The following CDK8 variants were observed in gnomAD, a reference collection of about 807,000 sequenced individuals.
CDK8 encodes cyclin dependent kinase 8, also known as cyclin-dependent kinase 8.
In CDK8, 29 loss-of-function variants were observed where a neutral mutation model predicts 71.5. The ratio of observed to expected loss-of-function variants is 0.41; its 90% CI spans 0.30 to 0.55. CDK8 has a LOEUF of 0.55. Ranked by LOEUF, CDK8 falls within the 20% of genes least tolerant of loss-of-function variation. The pLI is 0.37. For missense variants in CDK8, 288 were observed against 572.6 expected (o/e 0.50, Z 5.07); for synonymous variants, 161 against 192.1 (o/e 0.84, Z 1.34).
intron 5 of CDK8, among the ~76,000 whole-genome samples, chr13:26,383,455 C>T (rs1875327981): frequency 6.6e-6 from 1 of 152,118 alleles, no homozygotes. Context: ...CAAAATTTTA[C>T]CCACTTCTGG....
chr13:26,384,467 A>G (rs1187032446), intron 5 of CDK8, among the ~76,000 whole-genome samples: 2 of 152,182 alleles, frequency 1.3e-5, no homozygotes, highest in Non-Finnish European at 2.9e-5. Context: ...AAGAGACGCA[A>G]TTTTTGCCTT....
At position 26,337,643 on chromosome 13, in the gene CDK8, G is replaced by T; in HGVS notation, c.204+1G>T. Reference sequence around the variant, plus strand: ...TATGTCGGCATGTAGAGAAATAGCAGTAAGTGAAGTTCTTTTTATCATCGT... The same window carrying T: ...TATGTCGGCATGTAGAGAAATAGCATTAAGTGAAGTTCTTTTTATCATCGT... On this transcript the variant is annotated splice_donor_variant, in intron 2 of 12. Transcript: ENST00000381527. LOFTEE classifies it high-confidence loss of function. 7.2e-7 allele frequency: 1 copy of T among 1,397,808 alleles called. No individual in the cohort carries two copies. The highest frequency in any genetic ancestry group is 1.5e-5 in the African/African-American group (1 of 67,854). 86.6% of individuals were successfully genotyped at this position (1,397,808 alleles called of 1,614,324 possible).
intron 1 of CDK8, among the ~76,000 whole-genome samples, chr13:26,331,769 T>A (rs947534132): frequency 6.6e-6 from 1 of 152,198 alleles, no homozygotes; most frequent in Non-Finnish European, 1.5e-5. Context: ...GTTCTTTTTG[T>A]TCAGGATTGC....
At chr13:26,340,867 G>A (rs1179349264) in intron 2 of CDK8, among the ~76,000 whole-genome samples, 1 of 152,162 alleles carries the variant, frequency 6.6e-6, no homozygotes, top group Non-Finnish European at 1.5e-5. Context: ...AGAAGGGAGG[G>A]AGGGAGGAAG....
At chr13:26,373,130 C>G (rs1317595453) in intron 4 of CDK8, among the ~76,000 whole-genome samples, 2 of 152,236 alleles carry the variant, frequency 1.3e-5, no homozygotes, top group Non-Finnish European at 2.9e-5. Context: ...CCTTCTCATC[C>G]TTCAATCCTT....
At chr13:26,370,488 A>G (rs762984946) in intron 4 of CDK8, among the ~76,000 whole-genome samples, 5 of 152,220 alleles carry the variant, frequency 3.3e-5, no homozygotes, top group Non-Finnish European at 5.9e-5. Flanking sequence ...ATAAAATAAG[A>G]AAAGGAAACT....
At chr13:26,274,589 G>T (rs1872488636) in intron 1 of CDK8, among the ~76,000 whole-genome samples, 1 of 151,686 alleles carries the variant, frequency 6.6e-6, no homozygotes, top group African/African-American at 2.4e-5. Flanking sequence ...CCGCCACCAC[G>T]CCTGGCTAAT....
intron 1 of CDK8, among the ~76,000 whole-genome samples, chr13:26,334,119 CAT>C (rs1237696376): frequency 6.6e-6 from 1 of 152,008 alleles, no homozygotes; most frequent in Non-Finnish European, 1.5e-5. Context: ...AAGTAAAAAA[CAT>C]ATATTACTTG....
At chr13:26,342,543 C>T (rs1873288393) in intron 2 of CDK8, among the ~76,000 whole-genome samples, 1 of 152,150 alleles carries the variant, frequency 6.6e-6, no homozygotes, top group Admixed American at 6.5e-5. Flanking sequence ...GTGTAGTAGG[C>T]ATTTAGTAAA....
rs1876412023 is a variant in CDK8 at position 26,404,295 on chromosome 13, C to G, written c.*214C>G. 1 of 478,890 alleles carries G rather than the reference C, an allele frequency of 2.1e-6. No individual in the cohort carries two copies. The highest frequency in any genetic ancestry group is 1.9e-5 in the African/African-American group (1 of 51,934). The allele number at this position is 478,890 out of a possible 1,614,324, so 29.7% of individuals were successfully genotyped here. A position where few individuals can be genotyped will look rare whatever the true frequency, so the allele number is the denominator to read the frequency against. On this transcript the variant is annotated 3_prime_UTR_variant, in exon 13 of 13. Coordinates refer to ENST00000381527, the MANE Select transcript of CDK8 (RefSeq NM_001260.3). ...TAGACTTGAAAAGAAAGTGCTAGCA[C>G]AGTTTGTGTTGTGGATTTGCTACTT... is the stretch of plus-strand genomic sequence containing the variant.
At position 26,275,214 on chromosome 13, in the gene CDK8, G is replaced by A. The variant is rs536295251; in HGVS notation, c.128+20445G>A. Among the ~76,000 whole-genome samples the A allele has an allele frequency of 2.0e-5, 3 of 152,254 alleles. No homozygotes were observed. In the South Asian group the frequency reaches 6.2e-4, roughly 32 times the overall value. The stretch of plus-strand genomic sequence containing the variant: ...GATCTACAATATCTGGGGTAAGACT[G>A]GAACCTTGATGTTAGTCTTTGAAAA... On this transcript the variant is annotated intron_variant, in intron 1 of 12. Coordinates refer to ENST00000381527, the MANE Select transcript of CDK8 (RefSeq NM_001260.3).
intron 6 of CDK8, among the ~76,000 whole-genome samples, chr13:26,389,770 G>A (rs916358820): frequency 1.3e-5 from 2 of 152,038 alleles, no homozygotes; most frequent in African/African-American, 4.8e-5. Context: ...GGCCAAGGTG[G>A]GCAGATCACT....
intron 1 of CDK8, among the ~76,000 whole-genome samples, chr13:26,266,441 A>G (rs1872021287): frequency 6.6e-6 from 1 of 152,166 alleles, no homozygotes; most frequent in African/African-American, 2.4e-5. Context: ...AGGTTGCCAT[A>G]TTGTATAACA....
chr13:26,346,142 C>T (rs1362010757), intron 2 of CDK8, among the ~76,000 whole-genome samples: 3 of 152,112 alleles, frequency 2.0e-5, no homozygotes. Context: ...GGAATGTAAC[C>T]TTGAGCAAAT....
intron 1 of CDK8, among the ~76,000 whole-genome samples, chr13:26,293,338 C>CA (rs1357633842): frequency 6.6e-6 from 1 of 151,902 alleles, no homozygotes; most frequent in East Asian, 1.9e-4. Context: ...CATGGTGGCT[C>CA]ACGCCTGTAA....
intron 1 of CDK8, among the ~76,000 whole-genome samples, chr13:26,298,247 A>G (rs749403582): frequency 1.3e-5 from 2 of 152,080 alleles, no homozygotes; most frequent in African/African-American, 4.8e-5. Flanking sequence ...AATCAGAGGT[A>G]ATATTTCTAG....
intron 1 of CDK8, among the ~76,000 whole-genome samples, chr13:26,305,582 A>G (rs1303707037): frequency 1.3e-5 from 2 of 152,044 alleles, no homozygotes; most frequent in East Asian, 3.8e-4. Flanking sequence ...TTCAAAATGT[A>G]TATTCGCCCT....
At chr13:26,356,024 T>C (rs548432467) in intron 4 of CDK8, among the ~76,000 whole-genome samples, 43 of 152,310 alleles carry the variant, frequency 2.8e-4, no homozygotes, top group African/African-American at 1.0e-3. Context: ...ATCTCTCTTA[T>C]GGTAAAGCTC....
chr13:26,300,036 G>T (rs1012393524), intron 1 of CDK8, among the ~76,000 whole-genome samples: 1 of 152,022 alleles, frequency 6.6e-6, no homozygotes, highest in Non-Finnish European at 1.5e-5. Flanking sequence ...GAAAAATGGG[G>T]ACCTACTACC....
Sources: allele counts gnomAD v4.1 joint callset (sites outside exome capture counted in the v4.1 genomes callset), GRCh38; gene constraint gnomAD v4.1.1; transcripts MANE v1.5; gene names NCBI Gene and HGNC (gene_info 2026-07-23, HGNC 2026-07-21).